SPMIP7: variants seen among roughly 807,000 people sequenced by gnomAD.
SPMIP7 encodes the protein sperm microtubule inner protein 7.
the SPMIP7 span, among the ~76,000 whole-genome samples, chr7:50,144,914 C>A: frequency 1.3e-5 from 2 of 151,650 alleles, no homozygotes; most frequent in Non-Finnish European, 2.9e-5. Context: ...GCAAATTCAT[C>A]CGCACTTATA....
the SPMIP7 span, among the ~76,000 whole-genome samples, chr7:50,128,281 A>G: frequency 6.6e-6 from 1 of 151,976 alleles, no homozygotes; most frequent in Non-Finnish European, 1.5e-5. Flanking sequence ...ATGAAGATAG[A>G]GAGTAGATTG....
chr7:50,107,698 C>T, the SPMIP7 span, among the ~76,000 whole-genome samples: 7 of 152,106 alleles, frequency 4.6e-5, no homozygotes, highest in Admixed American at 3.9e-4. Flanking sequence ...AGCTAAGATA[C>T]GATTTTTATA....
chr7:50,151,585 G>T, the SPMIP7 span: 25 of 1,447,028 alleles, frequency 1.7e-5, no homozygotes, highest in Non-Finnish European at 2.3e-5. Flanking sequence ...TACTCAATTT[G>T]CTCAGATACA....
At chr7:50,138,236 A>T in the SPMIP7 span, among the ~76,000 whole-genome samples, 3 of 152,308 alleles carry the variant, frequency 2.0e-5, no homozygotes, top group African/African-American at 7.2e-5. Context: ...CAGTTTAATG[A>T]CAGGATCTTA....
At chr7:50,096,020 A>G in the SPMIP7 span, 3 of 1,051,208 alleles carry the variant, frequency 2.9e-6, no homozygotes, top group Non-Finnish European at 2.7e-6. Context: ...TAGAGTTTAT[A>G]TAGTTAAATA....
the SPMIP7 span, chr7:50,104,400 G>A: frequency 3.3e-6 from 5 of 1,517,776 alleles, no homozygotes; most frequent in Non-Finnish European, 4.4e-6. Context: ...TGATGAGGAG[G>A]CAACATGTAC....
the SPMIP7 span, among the ~76,000 whole-genome samples, chr7:50,151,162 A>C: frequency 2.0e-5 from 3 of 152,240 alleles, no homozygotes; most frequent in African/African-American, 7.2e-5. Context: ...GCAGTGAGTC[A>C]TGTTTGTAAA....
At chr7:50,125,480 G>T in the SPMIP7 span, among the ~76,000 whole-genome samples, 1 of 149,734 alleles carries the variant, frequency 6.7e-6, no homozygotes, top group Admixed American at 6.7e-5. Context: ...GGTAAGAATG[G>T]AAATTGTGAA....
the SPMIP7 span, among the ~76,000 whole-genome samples, chr7:50,116,225 C>T: frequency 2.6e-5 from 4 of 152,192 alleles, no homozygotes; most frequent in Admixed American, 2.6e-4. Flanking sequence ...AAGCCATCAT[C>T]CTGCCTCAGC....
At chr7:50,109,959 A>T in the SPMIP7 span, among the ~76,000 whole-genome samples, 1 of 152,296 alleles carries the variant, frequency 6.6e-6, no homozygotes, top group East Asian at 1.9e-4. Flanking sequence ...TACTTTTATA[A>T]GAAGCTTAGG....
the SPMIP7 span, among the ~76,000 whole-genome samples, chr7:50,111,217 G>A: frequency 6.6e-6 from 1 of 151,620 alleles, no homozygotes; most frequent in Non-Finnish European, 1.5e-5. Context: ...ACATCAGACT[G>A]TGGATAAGAG....
the SPMIP7 span, among the ~76,000 whole-genome samples, chr7:50,139,911 T>G: frequency 1.3e-5 from 2 of 152,240 alleles, no homozygotes; most frequent in Non-Finnish European, 2.9e-5. Flanking sequence ...AAATACATTT[T>G]GAAAGCAGCC....
chr7:50,101,575 T>C, the SPMIP7 span, among the ~76,000 whole-genome samples: 1 of 152,268 alleles, frequency 6.6e-6, no homozygotes, highest in African/African-American at 2.4e-5. Flanking sequence ...ACCTCAAACT[T>C]AGTCTTAAAT....
chr7:50,136,212 T>A, the SPMIP7 span: 3 of 1,340,660 alleles, frequency 2.2e-6, no homozygotes, highest in Non-Finnish European at 3.1e-6. Flanking sequence ...CTCACTATCA[T>A]GTTTTGTAAT....
the SPMIP7 span, among the ~76,000 whole-genome samples, chr7:50,145,145 C>T: frequency 6.6e-6 from 1 of 151,776 alleles, no homozygotes; most frequent in Non-Finnish European, 1.5e-5. Flanking sequence ...CGCCTGTAAT[C>T]CCAGCTACTA....
the SPMIP7 span, among the ~76,000 whole-genome samples, chr7:50,155,475 C>G: frequency 6.6e-6 from 1 of 152,082 alleles, no homozygotes; most frequent in Non-Finnish European, 1.5e-5. Flanking sequence ...AGGAGGGATC[C>G]GATGCAGAGA....
At chr7:50,129,244 T>A in the SPMIP7 span, among the ~76,000 whole-genome samples, 3 of 151,854 alleles carry the variant, frequency 2.0e-5, no homozygotes, top group African/African-American at 7.2e-5. Flanking sequence ...AGGCAACAAA[T>A]TGGTAAAATA....
At chr7:50,096,650 G>T in the SPMIP7 span, 1 of 1,498,660 alleles carries the variant, frequency 6.7e-7, no homozygotes, top group South Asian at 1.3e-5. Context: ...TAAATGAAGT[G>T]ACATGAACTT....
At chr7:50,104,266 T>C in the SPMIP7 span, 1 of 931,236 alleles carries the variant, frequency 1.1e-6, no homozygotes, top group Non-Finnish European at 1.6e-6. Flanking sequence ...AAAAGAACTT[T>C]TATTGTGTTT....
Sources: allele counts gnomAD v4.1 joint callset (sites outside exome capture counted in the v4.1 genomes callset), GRCh38; gene constraint gnomAD v4.1.1; transcripts MANE v1.5; gene names NCBI Gene and HGNC (gene_info 2026-07-23, HGNC 2026-07-21).